The following EFHD1 variants were observed in gnomAD, a reference collection of about 807,000 sequenced individuals.
EFHD1 encodes EF-hand domain family member D1.
EFHD1 carries 10 observed loss-of-function variants against 17.2 expected under a neutral mutation model. That is an observed-to-expected ratio of 0.58 (90% CI 0.36 to 0.99). The LOEUF (loss-of-function observed/expected upper bound fraction) is 0.99. Ranked by LOEUF, EFHD1 falls within the 50% of genes least tolerant of loss-of-function variation. The pLI is 0.01. For synonymous variants in EFHD1, 153 were observed against 142.0 expected, an observed-to-expected ratio of 1.08 and a Z score of -0.55; for missense variants, 310 against 327.5, an observed-to-expected ratio of 0.95 and a Z score of 0.41.
intron 1 of EFHD1, among the ~76,000 whole-genome samples, chr2:232,640,767 C>T (rs1171476674): frequency 6.6e-6 from 1 of 152,086 alleles, no homozygotes; most frequent in Non-Finnish European, 1.5e-5. Flanking sequence ...GACACTCTGA[C>T]CTCAGGCTGC....
intron 3 of EFHD1, among the ~76,000 whole-genome samples, chr2:232,674,069 C>T (rs1443506490): frequency 1.3e-5 from 2 of 152,110 alleles, no homozygotes; most frequent in Non-Finnish European, 2.9e-5. Context: ...CCACCACGCC[C>T]AGCTAATTTT....
intron 1 of EFHD1, among the ~76,000 whole-genome samples, chr2:232,615,569 C>T (rs1693913016): frequency 6.6e-6 from 1 of 152,016 alleles, no homozygotes; most frequent in Non-Finnish European, 1.5e-5. Flanking sequence ...AGATCACGGG[C>T]CTGCATGCTC....
intron 1 of EFHD1, among the ~76,000 whole-genome samples, chr2:232,644,236 G>A (rs1694484224): frequency 6.6e-6 from 1 of 152,194 alleles, no homozygotes; most frequent in African/African-American, 2.4e-5. Context: ...GAAAACGTTT[G>A]GCTGCTACCC....
chr2:232,618,396 C>T (rs116484042), intron 1 of EFHD1, among the ~76,000 whole-genome samples: 147 of 152,264 alleles, frequency 9.7e-4, no homozygotes, highest in African/African-American at 3.4e-3. Context: ...CTAATAAGCA[C>T]AGGAACACGT....
chr2:232,634,787 G>GT (rs1246331869), intron 1 of EFHD1, among the ~76,000 whole-genome samples: 42 of 152,388 alleles, frequency 2.8e-4, no homozygotes, highest in African/African-American at 9.4e-4. Context: ...AGTGGGAGCA[G>GT]TAACAGTCCC....
intron 1 of EFHD1, among the ~76,000 whole-genome samples, chr2:232,645,586 G>T (rs892794054): frequency 3.9e-5 from 6 of 152,194 alleles, no homozygotes; most frequent in African/African-American, 9.6e-5. Flanking sequence ...GGCTTTGGTG[G>T]TGACAAGGTC....
At chr2:232,681,460 C>T in intron 3 of EFHD1, 125 bp from the exon 4 acceptor site, 1 of 1,387,656 alleles carries the variant, frequency 7.2e-7, no homozygotes, top group Non-Finnish European at 9.8e-7. Context: ...GGGGTCCTGC[C>T]CTCCGTGGGC....
chr2:232,613,893 C>A (rs111072188), intron 1 of EFHD1, among the ~76,000 whole-genome samples: 7 of 87,564 alleles, frequency 8.0e-5, no homozygotes, highest in Admixed American at 6.6e-4. Flanking sequence ...TATACACACA[C>A]AAACACATAC....
chr2:232,634,854 A>G (rs1162456059), intron 1 of EFHD1, among the ~76,000 whole-genome samples: 1 of 152,244 alleles, frequency 6.6e-6, no homozygotes, highest in Non-Finnish European at 1.5e-5. Context: ...CGAGCTATTA[A>G]TATTTCCAGA....
At chr2:232,610,324 C>T (rs1302217793) in intron 1 of EFHD1, among the ~76,000 whole-genome samples, 2 of 152,182 alleles carry the variant, frequency 1.3e-5, no homozygotes, top group Admixed American at 6.5e-5. Flanking sequence ...GGAGTAGGGG[C>T]AGGTGAGCTC....
Position 232,627,223 on chromosome 2 carries a change from CCT to C in EFHD1, c.14+21051_14+21052del, listed in dbSNP as rs1377139962. On this transcript the variant is annotated intron_variant, in intron 1 of 3. Transcript: ENST00000409613. ...TCTAGCCTTTGTGACAGAATGAAACCCTGTCTTAAAAAAACACAAACAGAAAA... is the reference window on the plus strand; with the variant it reads ...TCTAGCCTTTGTGACAGAATGAAACCGTCTTAAAAAAACACAAACAGAAAA... 2.0e-5 allele frequency among the ~76,000 whole-genome samples: 3 copies of C among 147,948 alleles called. No individual in the cohort carries two copies. In the Admixed American group the frequency reaches 2.0e-4, roughly 10 times the overall value.
At position 232,682,486 on chromosome 2, in the gene EFHD1, TCTGA is replaced by T. The variant is rs1695308559; in HGVS notation, c.*770_*773del. On this transcript the variant is annotated 3_prime_UTR_variant, in exon 4 of 4. Coordinates refer to ENST00000264059, the MANE Select transcript of EFHD1 (RefSeq NM_025202.4). The stretch of plus-strand genomic sequence containing the variant: ...AATGAGTAAAAGGGTTCCTGTTCAC[TCTGA>T]CTCTGTGCAAATTGTATTACAGTAG... 1 of 152,288 alleles carries T rather than the reference TCTGA, an allele frequency of 6.6e-6. No individual in the cohort carries two copies. Among genetic ancestry groups the T allele is most frequent in the Non-Finnish European group, 1.5e-5 (1 of 68,066 alleles). 9.4% of individuals were successfully genotyped at this position (152,288 alleles called of 1,614,324 possible). A position where few individuals can be genotyped will look rare whatever the true frequency, so the allele number is the denominator to read the frequency against.
chr2:232,668,512 C>T (rs1695007197), intron 2 of EFHD1, among the ~76,000 whole-genome samples: 1 of 152,182 alleles, frequency 6.6e-6, no homozygotes, highest in Non-Finnish European at 1.5e-5. Context: ...CTGTCATCTC[C>T]ACTCTGGATT....
intron 3 of EFHD1, among the ~76,000 whole-genome samples, chr2:232,673,202 C>T (rs1559356679): frequency 6.6e-6 from 1 of 152,194 alleles, no homozygotes; most frequent in Non-Finnish European, 1.5e-5. Context: ...AAAGCAAGTG[C>T]CACAATGACA....
intron 1 of EFHD1, among the ~76,000 whole-genome samples, chr2:232,661,463 C>G (rs1694865939): frequency 6.6e-6 from 1 of 152,122 alleles, no homozygotes. Context: ...CAAGGTTCAC[C>G]CGTGTATAAG....
At chr2:232,675,238 A>G (rs1695149665) in intron 3 of EFHD1, among the ~76,000 whole-genome samples, 1 of 118,608 alleles carries the variant, frequency 8.4e-6, no homozygotes. Context: ...AGAAAGAGAG[A>G]AAGAAAAGAA....
chr2:232,627,051 TA>T (rs1462895479), intron 1 of EFHD1, among the ~76,000 whole-genome samples: 6 of 106,092 alleles, frequency 5.7e-5, no homozygotes, highest in African/African-American at 2.2e-4. Flanking sequence ...TATATATATA[TA>T]TATATATATA....
At chr2:232,612,505 C>T (rs759554038) in intron 1 of EFHD1, among the ~76,000 whole-genome samples, 2 of 152,008 alleles carry the variant, frequency 1.3e-5, no homozygotes, top group Non-Finnish European at 2.9e-5. Context: ...TGGAAAGTCA[C>T]TAGAGACATG....
chr2:232,634,084 C>T (rs1694267189), intron 1 of EFHD1, 78 bp downstream of exon 1: 1 of 1,557,220 alleles, frequency 6.4e-7, no homozygotes, highest in Admixed American at 1.8e-5. Context: ...AGTCCCGGGC[C>T]CTGTTTGTGT....
Sources: allele counts gnomAD v4.1 joint callset (sites outside exome capture counted in the v4.1 genomes callset), GRCh38; gene constraint gnomAD v4.1.1; transcripts MANE v1.5; gene names NCBI Gene and HGNC (gene_info 2026-07-23, HGNC 2026-07-21).